The following GALNT18 variants were observed in gnomAD, a reference collection of about 807,000 sequenced individuals.
The protein encoded by GALNT18 is GalNAc-transferase 18.
GALNT18 carries 44 observed loss-of-function variants against 69.5 expected under a neutral mutation model. That is an observed-to-expected ratio of 0.63 (90% CI 0.50 to 0.81). The LOEUF is 0.81. Ranked by LOEUF, GALNT18 falls within the 40% of genes least tolerant of loss-of-function variation. The pLI is 0.00. For missense variants in GALNT18, 715 were observed against 810.0 expected (o/e 0.88, Z 1.42); for synonymous variants, 364 against 318.2 (o/e 1.14, Z -1.53).
At chr11:11,535,444 T>C (rs1857752695) in intron 1 of GALNT18, among the ~76,000 whole-genome samples, 2 of 152,234 alleles carry the variant, frequency 1.3e-5, no homozygotes, top group African/African-American at 2.4e-5. Flanking sequence ...AGCAAAGTAA[T>C]AGATGCAACC....
At chr11:11,420,183 C>T (rs1854970141) in intron 3 of GALNT18, among the ~76,000 whole-genome samples, 1 of 151,786 alleles carries the variant, frequency 6.6e-6, no homozygotes, top group Non-Finnish European at 1.5e-5. Flanking sequence ...TCCCAGTCAC[C>T]ACGGGAGAGA....
chr11:11,352,214 G>A (rs762341609), intron 6 of GALNT18: 2 of 1,613,776 alleles, frequency 1.2e-6, no homozygotes, highest in Non-Finnish European at 1.7e-6. Flanking sequence ...GCAGCAGTTT[G>A]TCCAGGAAAT....
intron 1 of GALNT18, among the ~76,000 whole-genome samples, chr11:11,550,583 G>C (rs945833507): frequency 6.6e-6 from 1 of 152,164 alleles, no homozygotes; most frequent in African/African-American, 2.4e-5. Flanking sequence ...AGTTGTCCTA[G>C]ATTCTCAGAT....
In GALNT18 at chr11:11,587,099, C is replaced by T. The variant is rs183947405; in HGVS notation, c.235+34260G>A. Among the ~76,000 whole-genome samples, 3 of 152,332 alleles carry T rather than the reference C, an allele frequency of 2.0e-5. No individual in the cohort carries two copies. In the East Asian group the frequency reaches 5.8e-4, roughly 29 times the overall value. ...TCCAGCACCCATTATCCTGACCCCT[C>T]CCCCAGTATCCAAACCTTCCCCAAG... On this transcript the variant is annotated intron_variant, in intron 1 of 10. Transcript: ENST00000227756. The surrounding 1 kb of genome is among the most constrained non-coding windows in gnomAD (Gnocchi z 4.4).
rs1320992514 is a variant in GALNT18 at position 11,621,938 on chromosome 11, C to T, written c.-345G>A. On this transcript the variant is annotated 5_prime_UTR_variant, in exon 1 of 11. In the 5' UTR this introduces an upstream ATG that the reference lacks. Coordinates refer to ENST00000227756, the MANE Select transcript of GALNT18 (RefSeq NM_198516.3). This position sits in a 1 kb window ranked among gnomAD's most constrained non-coding sequence, Gnocchi z 9.3. The stretch of plus-strand genomic sequence containing the variant: ...TTGCCACTGCCTGTGTCGGCGGCCA[C>T]GCCGCTTCCCATCGCCAGCGCCGGC... The T allele has an allele frequency of 5.3e-6, 1 of 187,234 alleles. No individual in the cohort carries two copies. The highest frequency in any genetic ancestry group is 1.3e-4 in the East Asian group (1 of 7,410). 11.6% of individuals were successfully genotyped at this position (187,234 alleles called of 1,614,324 possible). A position where few individuals can be genotyped will look rare whatever the true frequency, so the allele number is the denominator to read the frequency against.
intron 6 of GALNT18, among the ~76,000 whole-genome samples, chr11:11,369,060 G>C (rs1850837210): frequency 1.3e-5 from 2 of 152,216 alleles, no homozygotes; most frequent in Non-Finnish European, 2.9e-5. Flanking sequence ...TAGGCTTTCT[G>C]TTCTCTGTAT....
chr11:11,318,094 G>A lies in GALNT18; in HGVS notation c.1512+8992C>T, dbSNP rs551649715. Among the ~76,000 whole-genome samples, 6 of 152,322 alleles carry A rather than the reference G, an allele frequency of 3.9e-5. No individual in the cohort carries two copies. Among genetic ancestry groups the A allele is most frequent in the East Asian group, 3.9e-4 (2 of 5,182 alleles). On this transcript the variant is annotated intron_variant, in intron 9 of 10. Coordinates refer to ENST00000227756, the MANE Select transcript of GALNT18 (RefSeq NM_198516.3). The surrounding 1 kb of genome is among the most constrained non-coding windows in gnomAD (Gnocchi z 5.1). ...ACAACTTGCTACCCCTCTGAGTCAG[G>A]CAGGGCCATGTTACCATGTCTGGCC... is the stretch of plus-strand genomic sequence containing the variant.
chr11:11,431,668 AT>A (rs1309039908), intron 3 of GALNT18, among the ~76,000 whole-genome samples: 2 of 152,330 alleles, frequency 1.3e-5, no homozygotes, highest in East Asian at 3.9e-4. Context: ...TATCCAATGT[AT>A]TTCAGCTTTA....
At chr11:11,388,269 G>A (rs955513271) in intron 3 of GALNT18, among the ~76,000 whole-genome samples, 14 of 152,262 alleles carry the variant, frequency 9.2e-5, no homozygotes, top group East Asian at 7.7e-4. Context: ...CATACTTAGC[G>A]GGGTCGCCAA....
Position 11,337,764 on chromosome 11 carries a change from T to A in GALNT18, c.1278+3055A>T, listed in dbSNP as rs1217616574. ...CCGAGGTGTGAGAAACAGCATGGCA[T>A]GGACGGTATGTAATGGGCAGTTCCC... On this transcript the variant is annotated intron_variant, in intron 7 of 10. Transcript: ENST00000227756. This position sits in a 1 kb window ranked among gnomAD's most constrained non-coding sequence, Gnocchi z 4.9. 1.3e-5 allele frequency among the ~76,000 whole-genome samples: 2 copies of A among 152,040 alleles called. No individual in the cohort carries two copies. The highest frequency in any genetic ancestry group is 1.5e-5 in the Non-Finnish European group (1 of 68,022).
chr11:11,301,155 C>G (rs1212242935), intron 9 of GALNT18, among the ~76,000 whole-genome samples: 1 of 152,142 alleles, frequency 6.6e-6, no homozygotes, highest in African/African-American at 2.4e-5. Flanking sequence ...ATCTCTGTGC[C>G]CGTCTTGAGT....
At chr11:11,395,286 C>A (rs975861653) in intron 3 of GALNT18, among the ~76,000 whole-genome samples, 5 of 152,146 alleles carry the variant, frequency 3.3e-5, no homozygotes, top group African/African-American at 1.2e-4. Context: ...ATGAAGTGAT[C>A]GTGTCCAACC....
At chr11:11,405,906 T>C (rs1854578481) in intron 3 of GALNT18, among the ~76,000 whole-genome samples, 1 of 152,240 alleles carries the variant, frequency 6.6e-6, no homozygotes, top group African/African-American at 2.4e-5. Context: ...GCCTTACTGC[T>C]GCACTAGTCC....
chr11:11,314,729 C>T lies in GALNT18; in HGVS notation c.1512+12357G>A, dbSNP rs185108535. On this transcript the variant is annotated intron_variant, in intron 9 of 10. Coordinates refer to ENST00000227756, the MANE Select transcript of GALNT18 (RefSeq NM_198516.3). The surrounding 1 kb of genome is among the most constrained non-coding windows in gnomAD (Gnocchi z 5.2). ...GGTTCCAGGGGGCAGCTGTGAAAGT[C>T]CTTTGGGCTATGCCCTGTGGAGGCT... Among the ~76,000 whole-genome samples, 4 of 152,274 alleles carry T rather than the reference C, an allele frequency of 2.6e-5. No homozygotes were observed. The highest frequency in any genetic ancestry group is 2.6e-4 in the Admixed American group (4 of 15,290).
chr11:11,325,339 T>C (rs563444871), intron 9 of GALNT18, among the ~76,000 whole-genome samples: 1 of 152,216 alleles, frequency 6.6e-6, no homozygotes, highest in South Asian at 2.1e-4. Flanking sequence ...AATGACATAA[T>C]GGATTTTGGG....
At chr11:11,358,325 G>A (rs1850573499) in intron 6 of GALNT18, among the ~76,000 whole-genome samples, 1 of 139,828 alleles carries the variant, frequency 7.2e-6, no homozygotes, top group Admixed American at 7.1e-5. Context: ...CAAGCTTTTT[G>A]GTTATTTCCA....
At chr11:11,375,230 G>C (rs1310343710) in intron 5 of GALNT18, among the ~76,000 whole-genome samples, 1 of 152,192 alleles carries the variant, frequency 6.6e-6, no homozygotes, top group African/African-American at 2.4e-5. Context: ...GCTTTCTGTG[G>C]AGCTGTCTTC....
intron 5 of GALNT18, among the ~76,000 whole-genome samples, chr11:11,376,286 G>T (rs889023309): frequency 1.3e-5 from 2 of 152,182 alleles, no homozygotes; most frequent in African/African-American, 4.8e-5. Context: ...GGAGGCTGAG[G>T]CAGGAGAATC....
At chr11:11,287,500 C>T (rs1849215302) in intron 10 of GALNT18, among the ~76,000 whole-genome samples, 1 of 152,164 alleles carries the variant, frequency 6.6e-6, no homozygotes, top group Non-Finnish European at 1.5e-5. Context: ...ATATTTGCCT[C>T]TTCCCTCTCC....
Sources: gnomAD v4.1 joint callset for allele counts (sites outside exome capture counted in the v4.1 genomes callset) on GRCh38, gnomAD v4.1.1 for gene constraint, Gnocchi (gnomAD v3.1) non-coding constraint, MANE v1.5 for transcripts, NCBI Gene and HGNC (gene_info 2026-07-23, HGNC 2026-07-21) for gene names.